Variants in STK31 observed in about 807,000 individuals in gnomAD.
STK31 encodes serine/threonine kinase 31.
STK31 carries 89 observed loss-of-function variants against 129.7 expected under a neutral mutation model. The ratio of observed to expected loss-of-function variants is 0.69; its 90% CI spans 0.58 to 0.82. The LOEUF (loss-of-function observed/expected upper bound fraction) is 0.82, where lower values mean the gene tolerates loss of function less well. Ranked by LOEUF, STK31 falls within the 40% of genes least tolerant of loss-of-function variation. STK31 has a pLI of 0.00. For missense variants in STK31, 1,187 were observed against 1,176.4 expected (o/e 1.01, Z -0.13); for synonymous variants, 448 against 395.3 (o/e 1.13, Z -1.58).
Position 23,730,305 on chromosome 7 carries a change from CTA to C in STK31, c.483+1058_483+1059del, listed in dbSNP as rs1015106621. Among the ~76,000 whole-genome samples the C allele has an allele frequency of 3.3e-5, 5 of 152,282 alleles. No individual in the cohort carries two copies. In the South Asian group the frequency reaches 1.0e-3, roughly 32 times the overall value. ...ATAAAGAAATTAATTAAAATTGCCT[CTA>C]TTTTTCTTTGAGAATCTTGTAGGTG... is the stretch of plus-strand genomic sequence containing the variant. On this transcript the variant is annotated intron_variant, in intron 6 of 23. Transcript: ENST00000355870.
At chr7:23,780,582 G>C (rs563989337) in intron 15 of STK31, among the ~76,000 whole-genome samples, 1 of 152,206 alleles carries the variant, frequency 6.6e-6, no homozygotes, top group Non-Finnish European at 1.5e-5. Flanking sequence ...ATTTGAGAGA[G>C]GGGTAGAGGA....
intron 8 of STK31, among the ~76,000 whole-genome samples, chr7:23,742,229 A>G (rs1788092397): frequency 6.6e-6 from 1 of 152,204 alleles, no homozygotes; most frequent in Admixed American, 6.5e-5. Context: ...AGAGAGAATG[A>G]GTCACCACCC....
intron 22 of STK31, among the ~76,000 whole-genome samples, chr7:23,808,970 T>TGC (rs529212520): frequency 1.4e-5 from 2 of 139,552 alleles, no homozygotes; most frequent in African/African-American, 2.7e-5. Flanking sequence ...TGTGTGTGTG[T>TGC]GCCTGTGTCT....
At chr7:23,797,941 C>T (rs1220018978) in intron 22 of STK31, among the ~76,000 whole-genome samples, 1 of 152,082 alleles carries the variant, frequency 6.6e-6, no homozygotes, top group Non-Finnish European at 1.5e-5. Flanking sequence ...CCACAGAAAT[C>T]CAAGCTACCG....
intron 22 of STK31, among the ~76,000 whole-genome samples, chr7:23,799,371 T>C (rs1369759855): frequency 6.6e-6 from 1 of 152,170 alleles, no homozygotes; most frequent in Non-Finnish European, 1.5e-5. Context: ...CAAAATAGCA[T>C]GGTACCGGTA....
At chr7:23,775,463 A>G (rs1163707026) in intron 15 of STK31, among the ~76,000 whole-genome samples, 10 of 152,212 alleles carry the variant, frequency 6.6e-5, no homozygotes, top group African/African-American at 2.4e-4. Flanking sequence ...ATCCATGAGC[A>G]TGAAAATTTT....
intron 22 of STK31, among the ~76,000 whole-genome samples, chr7:23,795,498 GC>G (rs1192539622): frequency 6.6e-6 from 1 of 152,194 alleles, no homozygotes; most frequent in Admixed American, 6.5e-5. Flanking sequence ...AGGGGTTGGG[GC>G]TCCCACACAG....
intron 22 of STK31, among the ~76,000 whole-genome samples, chr7:23,808,987 A>AT (rs1300025658): frequency 2.3e-5 from 1 of 43,320 alleles, no homozygotes; most frequent in East Asian, 6.9e-4. Context: ...GTCTGTTGGC[A>AT]TTTCTGGGTG....
chr7:23,791,325 A>G (rs1044062065), intron 22 of STK31: 1 of 984,926 alleles, frequency 1.0e-6, no homozygotes. Flanking sequence ...AGAATTAAGA[A>G]GTTGGATGGA....
At chr7:23,746,843 TA>T (rs1788384204) in intron 8 of STK31, among the ~76,000 whole-genome samples, 1 of 151,924 alleles carries the variant, frequency 6.6e-6, no homozygotes, top group African/African-American at 2.4e-5. Flanking sequence ...AATTTTAAAA[TA>T]AGTTAAAATT....
intron 3 of STK31, among the ~76,000 whole-genome samples, chr7:23,713,662 GAAGAC>G (rs1465777819): frequency 1.3e-5 from 2 of 151,646 alleles, no homozygotes. Context: ...GGTTAAAAAC[GAAGAC>G]AAGATCTTCA....
At chr7:23,780,548 C>G (rs1258876136) in intron 15 of STK31, among the ~76,000 whole-genome samples, 1 of 152,136 alleles carries the variant, frequency 6.6e-6, no homozygotes, top group African/African-American at 2.4e-5. Flanking sequence ...TCCTTGATCA[C>G]CTTTCAGCAA....
chr7:23,789,960 T>C (rs903819060), intron 21 of STK31, among the ~76,000 whole-genome samples: 1 of 152,182 alleles, frequency 6.6e-6, no homozygotes, highest in African/African-American at 2.4e-5. Flanking sequence ...AAAAGTAGTC[T>C]GAGGTCAAGA....
intron 22 of STK31, among the ~76,000 whole-genome samples, chr7:23,812,762 G>A (rs947633549): frequency 2.0e-5 from 3 of 151,196 alleles, no homozygotes; most frequent in Admixed American, 1.3e-4. Context: ...GTGAGAAAAT[G>A]CAGTATTGGG....
intron 23 of STK31, among the ~76,000 whole-genome samples, chr7:23,830,280 G>A (rs1794462675): frequency 6.6e-6 from 1 of 151,438 alleles, no homozygotes; most frequent in South Asian, 2.1e-4. Context: ...TTTTTTTAGT[G>A]TATTTCACTT....
rs117523513 is a variant in STK31 at position 23,756,596 on chromosome 7, G to C, written c.1293+2122G>C. ...CCAGTTTTCAAAGGGAATGCTTCCA[G>C]CATTTGCCCATTCAATTTGAGGCTG... On this transcript the variant is annotated intron_variant, in intron 10 of 23. Transcript: ENST00000355870. Among the ~76,000 whole-genome samples the C allele has an allele frequency of 1.1e-3, 162 of 152,290 alleles. No homozygotes were observed. The East Asian group carries it at 0.018, about 17-fold the overall frequency.
At chr7:23,792,744 T>A (rs1438695598) in intron 22 of STK31, among the ~76,000 whole-genome samples, 1 of 152,132 alleles carries the variant, frequency 6.6e-6, no homozygotes, top group East Asian at 1.9e-4. Flanking sequence ...AATGTAGGCC[T>A]AGAGTGGTGG....
At chr7:23,786,213 A>G (rs1183498296) in intron 18 of STK31, among the ~76,000 whole-genome samples, 1 of 151,522 alleles carries the variant, frequency 6.6e-6, no homozygotes, top group Non-Finnish European at 1.5e-5. Context: ...ACAATCTTCT[A>G]CTCTTTAATT....
At chr7:23,807,142 A>G (rs1792763878) in intron 22 of STK31, among the ~76,000 whole-genome samples, 1 of 152,074 alleles carries the variant, frequency 6.6e-6, no homozygotes, top group Non-Finnish European at 1.5e-5. Flanking sequence ...CCATATTTTT[A>G]TTCTTATTCT....
Sources: allele counts gnomAD v4.1 joint callset (sites outside exome capture counted in the v4.1 genomes callset), GRCh38; gene constraint gnomAD v4.1.1; transcripts MANE v1.5; gene names NCBI Gene and HGNC (gene_info 2026-07-23, HGNC 2026-07-21).